Variants in AFF2 observed in about 807,000 individuals in gnomAD.
AFF2 encodes ALF transcription elongation factor 2, also known as AF4/FMR2 family member 2.
AFF2 carries 14 observed loss-of-function variants against 76.9 expected under a neutral mutation model. The ratio of observed to expected loss-of-function variants is 0.18; its 90% confidence interval spans 0.12 to 0.28. The LOEUF (loss-of-function observed/expected upper bound fraction) is 0.28, where lower values mean the gene tolerates loss of function less well. AFF2 is among the 10% of genes least tolerant of loss of function. The probability of loss-of-function intolerance (pLI) is 1.00; values close to 1 mark genes in which losing one functional copy is unlikely to be tolerated. For synonymous variants in AFF2, 398 were observed against 366.7 expected (o/e 1.09, Z -0.98); for missense variants, 868 against 1,001.1 (o/e 0.87, Z 1.79).
At chrX:148,662,876 A>G (rs1557258031) in intron 3 of AFF2, 108 bp downstream of exon 3, 3 of 830,533 alleles carry the variant, frequency 3.6e-6, no homozygotes, top group Non-Finnish European at 5.0e-6. Flanking sequence ...AATGAGCTGT[A>G]TAGGATACTC....
At chrX:148,785,049 G>GCT (rs2069798747) in intron 3 of AFF2, among the ~76,000 whole-genome samples, 1 of 111,767 alleles carries the variant, frequency 8.9e-6, no homozygotes, top group African/African-American at 3.3e-5. Context: ...CGCTTCTCTT[G>GCT]CTCCCCCCCT....
rs181551717 is a variant in AFF2 at position 148,961,220 on chromosome X, C to T, written c.2691-1495C>T. On this transcript the variant is annotated intron_variant, in intron 12 of 20. Transcript: ENST00000370460. ...GGGGGAGTATTTACAGCTAATGAAC[C>T]ACCATTCACCTCCTGTAGATGCCAC... Among the ~76,000 whole-genome samples, 3 of 112,009 alleles carry T rather than the reference C, an allele frequency of 2.7e-5. No homozygotes were observed. The East Asian group carries it at 8.5e-4, about 32-fold the overall frequency.
At chrX:148,637,893 G>A (rs943999072) in intron 1 of AFF2, among the ~76,000 whole-genome samples, 1 of 110,152 alleles carries the variant, frequency 9.1e-6, no homozygotes, top group African/African-American at 3.3e-5. Flanking sequence ...GATAACTGGG[G>A]TTTTTTTTCT....
At chrX:148,687,067 A>G (rs190756007) in intron 3 of AFF2, among the ~76,000 whole-genome samples, 62 of 111,922 alleles carry the variant, frequency 5.5e-4, no homozygotes, top group Non-Finnish European at 1.0e-3. Flanking sequence ...TTTAACGCTT[A>G]AGCAGTGGCT....
chrX:148,650,159 T>A (rs2054189223), intron 1 of AFF2, among the ~76,000 whole-genome samples: 1 of 110,960 alleles, frequency 9.0e-6, no homozygotes, highest in African/African-American at 3.3e-5. Context: ...CACAGCCAAT[T>A]TATGGTGTTG....
At chrX:148,865,059 A>T (rs1557276736) in intron 7 of AFF2, among the ~76,000 whole-genome samples, 3 of 112,344 alleles carry the variant, frequency 2.7e-5, no homozygotes, top group Non-Finnish European at 5.6e-5. Context: ...ATGACATTTC[A>T]CTGTACAAGG....
intron 14 of AFF2, 118 bp downstream of exon 14, chrX:148,967,197 A>G (rs782392391): frequency 1.9e-6 from 2 of 1,054,724 alleles, no homozygotes; most frequent in African/African-American, 1.9e-5. Flanking sequence ...ATCAAATCCT[A>G]TACCCTTAAA....
At chrX:148,943,544 C>T (rs1337756434) in intron 9 of AFF2, among the ~76,000 whole-genome samples, 1 of 112,099 alleles carries the variant, frequency 8.9e-6, no homozygotes, top group Non-Finnish European at 1.9e-5. Flanking sequence ...AGGTATCCTT[C>T]GATAACTGTT....
In AFF2 at chrX:148,771,608, C is replaced by A. The variant is rs184234629; in HGVS notation, c.1042-38268C>A. The stretch of plus-strand genomic sequence containing the variant: ...TGTCTCTGTTGTGATTGGCAGTAAT[C>A]CAAGTAAAGACAGTAGTAAATATGT... On this transcript the variant is annotated intron_variant, in intron 3 of 20. Transcript: ENST00000370460. Among the ~76,000 whole-genome samples the A allele has an allele frequency of 3.6e-5, 4 of 112,156 alleles. No individual in the cohort carries two copies. In the Admixed American group the frequency reaches 3.8e-4, roughly 11 times the overall value.
chrX:148,705,366 A>G (rs2054870059), intron 3 of AFF2, among the ~76,000 whole-genome samples: 1 of 112,227 alleles, frequency 8.9e-6, no homozygotes, highest in Admixed American at 9.5e-5. Flanking sequence ...TTAGTGGTTA[A>G]CATGGGATGT....
intron 1 of AFF2, among the ~76,000 whole-genome samples, chrX:148,535,063 G>A (rs782247172): frequency 1.8e-5 from 2 of 111,343 alleles, no homozygotes; most frequent in African/African-American, 6.5e-5. Flanking sequence ...AATTCTCCAT[G>A]CCTCAATTTC....
chrX:148,770,701 T>C (rs782584083), intron 3 of AFF2, among the ~76,000 whole-genome samples: 2 of 112,026 alleles, frequency 1.8e-5, no homozygotes, highest in East Asian at 5.6e-4. Flanking sequence ...CTCACTCCTT[T>C]GTGAGGATGG....
intron 1 of AFF2, among the ~76,000 whole-genome samples, chrX:148,578,572 C>T (rs887944455): frequency 3.6e-5 from 4 of 111,975 alleles, no homozygotes; most frequent in African/African-American, 1.3e-4. Context: ...GACCTTTGTA[C>T]ATTGTTCATC....
intron 1 of AFF2, among the ~76,000 whole-genome samples, chrX:148,571,015 G>T (rs782367713): frequency 1.0e-3 from 113 of 111,742 alleles, no homozygotes; most frequent in African/African-American, 3.5e-3. Flanking sequence ...TCCAAATTAG[G>T]TTACATTCTG....
intron 3 of AFF2, among the ~76,000 whole-genome samples, chrX:148,693,551 T>A (rs782760629): frequency 8.9e-6 from 1 of 112,055 alleles, no homozygotes; most frequent in South Asian, 3.8e-4. Flanking sequence ...CATGTCTAAT[T>A]TTAGTTCTTC....
intron 1 of AFF2, among the ~76,000 whole-genome samples, chrX:148,535,540 C>A (rs1016338419): frequency 3.5e-5 from 4 of 112,775 alleles, no homozygotes; most frequent in African/African-American, 6.4e-5. Context: ...TAAATTTACC[C>A]ATTTCTGAAG....
chrX:148,520,127 A>G (rs1396758479), intron 1 of AFF2, among the ~76,000 whole-genome samples: 1 of 111,016 alleles, frequency 9.0e-6, no homozygotes, highest in Non-Finnish European at 1.9e-5. Flanking sequence ...GTCTAGAACT[A>G]TTTTCAAATG....
intron 4 of AFF2, among the ~76,000 whole-genome samples, chrX:148,816,448 A>G (rs782699840): frequency 8.9e-5 from 10 of 111,909 alleles, no homozygotes; most frequent in African/African-American, 3.2e-4. Context: ...TATTTTGTGA[A>G]GGTCAAACAG....
chrX:148,526,009 C>T (rs782022082), intron 1 of AFF2, among the ~76,000 whole-genome samples: 1 of 111,262 alleles, frequency 9.0e-6, no homozygotes, highest in East Asian at 2.8e-4. Flanking sequence ...CTTAGGTTTG[C>T]TGAAAACACC....
Sources: allele counts gnomAD v4.1 joint callset (sites outside exome capture counted in the v4.1 genomes callset), GRCh38; gene constraint gnomAD v4.1.1; transcripts MANE v1.5; gene names NCBI Gene and HGNC (gene_info 2026-07-23, HGNC 2026-07-21).